The following PLXNA4 variants were observed in gnomAD, a reference collection of about 807,000 sequenced individuals.
The protein encoded by PLXNA4 is plexin-A4.
PLXNA4 carries 44 observed loss-of-function variants against 191.8 expected under a neutral mutation model. That is an observed-to-expected ratio of 0.23 (90% CI 0.18 to 0.29). The LOEUF (loss-of-function observed/expected upper bound fraction) is 0.29. Among genes scored for constraint, PLXNA4 ranks in the 10% least tolerant of loss-of-function variants. The probability of loss-of-function intolerance (pLI) is 1.00; values close to 1 mark genes in which losing one functional copy is unlikely to be tolerated. For missense variants in PLXNA4, 1,800 were observed against 2,488.8 expected (o/e 0.72, Z 5.89); for synonymous variants, 1,082 against 1,009.5 (o/e 1.07, Z -1.36).
chr7:132,297,507 A>T (rs1801133678), intron 4 of PLXNA4, among the ~76,000 whole-genome samples: 1 of 152,000 alleles, frequency 6.6e-6, no homozygotes. Context: ...CTTCCTACTC[A>T]GCATCAGCAA....
chr7:132,643,717 A>G (rs1473354952), intron 2 of PLXNA4, among the ~76,000 whole-genome samples: 4 of 152,156 alleles, frequency 2.6e-5, no homozygotes, highest in African/African-American at 4.8e-5. Context: ...TTGAGAGGCC[A>G]AGGTGAAGAT....
At chr7:132,348,620 A>G (rs997448223) in intron 3 of PLXNA4, among the ~76,000 whole-genome samples, 5 of 152,168 alleles carry the variant, frequency 3.3e-5, no homozygotes, top group Non-Finnish European at 7.4e-5. Flanking sequence ...CCCTCCTAGC[A>G]TCTCCCAGGG....
At chr7:132,639,166 G>T (rs1803668304) in intron 2 of PLXNA4, among the ~76,000 whole-genome samples, 1 of 152,200 alleles carries the variant, frequency 6.6e-6, no homozygotes. Flanking sequence ...TAGCTTCTCT[G>T]TCTGAGATTC....
At chr7:132,143,498 G>A (rs962788728) in intron 29 of PLXNA4, among the ~76,000 whole-genome samples, 3 of 152,224 alleles carry the variant, frequency 2.0e-5, no homozygotes, top group African/African-American at 7.2e-5. Flanking sequence ...TGTTTAGAAA[G>A]ACCCAACTTT....
At chr7:132,292,558 C>A (rs144260457) in intron 4 of PLXNA4, among the ~76,000 whole-genome samples, 1 of 152,300 alleles carries the variant, frequency 6.6e-6, no homozygotes, top group East Asian at 1.9e-4. Flanking sequence ...AATCAGAGTG[C>A]TCTCAAAGAA....
chr7:132,561,274 C>A (rs1052484716), intron 1 of PLXNA4, among the ~76,000 whole-genome samples: 3 of 151,714 alleles, frequency 2.0e-5, no homozygotes, highest in Admixed American at 2.0e-4. Flanking sequence ...AACTGGATGC[C>A]CCTCTTCCTC....
At chr7:132,416,041 G>A (rs1794646771) in intron 3 of PLXNA4, among the ~76,000 whole-genome samples, 1 of 152,156 alleles carries the variant, frequency 6.6e-6, no homozygotes, top group Non-Finnish European at 1.5e-5. Flanking sequence ...TAGTTCCTTA[G>A]TCATACTAGC....
At position 132,475,227 on chromosome 7, in the gene PLXNA4, G is replaced by A. The variant is rs538108023; in HGVS notation, c.1371+14065C>T. Among the ~76,000 whole-genome samples the A allele has an allele frequency of 1.5e-3, 233 of 152,234 alleles. No individual in the cohort carries two copies. The Middle Eastern group carries it at 0.024, about 16-fold the overall frequency. ...AGCAGGGTGGCCCACAGTAGCTCCC[G>A]TTGCCCCTCCCAGCCCTCCTTGGGA... On this transcript the variant is annotated intron_variant, in intron 3 of 31. Transcript: ENST00000321063.
At chr7:132,602,665 C>A (rs1300041289) in intron 2 of PLXNA4, among the ~76,000 whole-genome samples, 1 of 152,120 alleles carries the variant, frequency 6.6e-6, no homozygotes, top group East Asian at 1.9e-4. Flanking sequence ...TACCCAGCCA[C>A]CAAAATAGTT....
At chr7:132,554,105 T>C (rs1419133446) in intron 1 of PLXNA4, among the ~76,000 whole-genome samples, 1 of 152,164 alleles carries the variant, frequency 6.6e-6, no homozygotes, top group African/African-American at 2.4e-5. Context: ...TAGATATAGA[T>C]ATAGATACAT....
At chr7:132,576,586 G>T (rs1802250998), upstream of PLXNA4, 1 of 985,980 alleles carries the variant, frequency 1.0e-6, no homozygotes, top group African/African-American at 1.7e-5. The surrounding 1 kb of genome is among the most constrained non-coding windows in gnomAD (Gnocchi z 5.8). Context: ...GAGGCACAGG[G>T]AAGCCGGGAG....
At chr7:132,210,762 G>A (rs575715422) in intron 10 of PLXNA4, among the ~76,000 whole-genome samples, 181 bp downstream of exon 10, 9 of 152,312 alleles carry the variant, frequency 5.9e-5, no homozygotes, top group East Asian at 3.9e-4. Context: ...AACCCAGCAC[G>A]CTGCTGGGGC....
chr7:132,564,400 C>T (rs1801617475), intron 1 of PLXNA4, among the ~76,000 whole-genome samples: 1 of 150,650 alleles, frequency 6.6e-6, no homozygotes, highest in East Asian at 2.0e-4. Context: ...TCCCCCTCTT[C>T]TTGCTCCTCC....
At chr7:132,397,233 T>C (rs1226732356) in intron 3 of PLXNA4, among the ~76,000 whole-genome samples, 1 of 152,368 alleles carries the variant, frequency 6.6e-6, no homozygotes, top group East Asian at 1.9e-4. Flanking sequence ...GTGAGTAATT[T>C]GGATTCTGAT....
At position 132,518,614 on chromosome 7, in the gene PLXNA4, G is replaced by A. The variant is rs191378033; in HGVS notation, c.-86-9835C>T. Among the ~76,000 whole-genome samples, 16 of 152,294 alleles carry A rather than the reference G, an allele frequency of 1.1e-4. No individual in the cohort carries two copies. The East Asian group carries it at 1.9e-3, about 18-fold the overall frequency. On this transcript the variant is annotated intron_variant, in intron 1 of 31. Transcript: ENST00000321063. The stretch of plus-strand genomic sequence containing the variant: ...CTTGGCGCCACCAGGCAACCAGCCC[G>A]GTCCCAGGGAAATCCAGCACCAAGC...
intron 3 of PLXNA4, among the ~76,000 whole-genome samples, chr7:132,315,832 G>A (rs892029046): frequency 3.3e-5 from 5 of 152,214 alleles, no homozygotes; most frequent in African/African-American, 1.2e-4. Flanking sequence ...CAAAGGCAGA[G>A]ATGGAGGAAA....
chr7:132,584,112 G>A (rs1802461929), intron 2 of PLXNA4, among the ~76,000 whole-genome samples: 1 of 152,306 alleles, frequency 6.6e-6, no homozygotes, highest in South Asian at 2.1e-4. Context: ...GGTCAGCCCA[G>A]GCCTGCCCAG....
intron 25 of PLXNA4, among the ~76,000 whole-genome samples, chr7:132,153,423 C>A (rs1382899467): frequency 5.3e-5 from 8 of 151,930 alleles, no homozygotes; most frequent in Admixed American, 1.3e-4. Flanking sequence ...AGGCATGAGC[C>A]CTGTCGGGAT....
At chr7:132,512,345 C>G (rs1798753856) in intron 1 of PLXNA4, among the ~76,000 whole-genome samples, 1 of 152,138 alleles carries the variant, frequency 6.6e-6, no homozygotes, top group Non-Finnish European at 1.5e-5. Context: ...ATGAAGAATC[C>G]TATAATTACG....
Sources: gnomAD v4.1 joint callset for allele counts (sites outside exome capture counted in the v4.1 genomes callset) on GRCh38, gnomAD v4.1.1 for gene constraint, Gnocchi (gnomAD v3.1) non-coding constraint, MANE v1.5 for transcripts, NCBI Gene and HGNC (gene_info 2026-07-23, HGNC 2026-07-21) for gene names.